Variants in SGCZ observed in about 807,000 individuals in gnomAD.
SGCZ encodes zeta-sarcoglycan.
SGCZ carries 40 observed loss-of-function variants against 41.3 expected under a neutral mutation model. That is an observed-to-expected ratio of 0.97 (90% CI 0.75 to 1.26). SGCZ has a LOEUF of 1.26. Ranked by LOEUF, SGCZ falls within the 50% of genes most tolerant of loss-of-function variation. The pLI is 0.00. For synonymous variants in SGCZ, 206 were observed against 137.5 expected, an observed-to-expected ratio of 1.50 and a Z score of -3.49; for missense variants, 552 against 369.8, an observed-to-expected ratio of 1.49 and a Z score of -4.04.
chr8:14,332,206 C>T (rs1422126835), intron 2 of SGCZ, among the ~76,000 whole-genome samples: 1 of 151,982 alleles, frequency 6.6e-6, no homozygotes, highest in Non-Finnish European at 1.5e-5. Context: ...GAGGCCGAAG[C>T]GGGCGGATCA....
At chr8:14,791,415 C>A (rs1283988178) in intron 1 of SGCZ, among the ~76,000 whole-genome samples, 1 of 151,838 alleles carries the variant, frequency 6.6e-6, no homozygotes. Flanking sequence ...TGGTCAGCAG[C>A]TAACTGGTAT....
intron 7 of SGCZ, among the ~76,000 whole-genome samples, chr8:14,099,780 TATTGTATTAC>T (rs1801955887): frequency 6.6e-6 from 1 of 152,226 alleles, no homozygotes; most frequent in Non-Finnish European, 1.5e-5. Flanking sequence ...TATATGCTGT[TATTGTATTAC>T]ATGTGCCATT....
chr8:14,541,213 C>G (rs891677296), intron 2 of SGCZ, among the ~76,000 whole-genome samples: 1 of 151,792 alleles, frequency 6.6e-6, no homozygotes, highest in Admixed American at 6.6e-5. Context: ...ATACACGTGC[C>G]ATGGTGGTTT....
intron 1 of SGCZ, among the ~76,000 whole-genome samples, chr8:14,739,608 A>G (rs1016812912): frequency 6.6e-6 from 1 of 152,036 alleles, no homozygotes; most frequent in East Asian, 1.9e-4. Flanking sequence ...TTTTAATGTA[A>G]ATTCTTCTTT....
At chr8:14,531,503 T>C (rs369988577) in intron 2 of SGCZ, among the ~76,000 whole-genome samples, 2 of 151,894 alleles carry the variant, frequency 1.3e-5, no homozygotes, top group African/African-American at 2.4e-5. Flanking sequence ...CTCACCAAAC[T>C]GCAAGGGTGG....
At chr8:14,487,368 T>C (rs536739003) in intron 2 of SGCZ, among the ~76,000 whole-genome samples, 87 of 152,298 alleles carry the variant, frequency 5.7e-4, no homozygotes, top group African/African-American at 1.9e-3. Flanking sequence ...ATAAGGAATA[T>C]AATATATTAT....
chr8:14,463,842 C>T (rs73519366), intron 2 of SGCZ, among the ~76,000 whole-genome samples: 2,553 of 151,354 alleles, frequency 0.017, 88 homozygotes, highest in African/African-American at 0.059. Flanking sequence ...TTAAGTCTTG[C>T]CAAATGTTTG....
At chr8:14,615,975 G>A (rs1453963653) in intron 1 of SGCZ, among the ~76,000 whole-genome samples, 1 of 152,008 alleles carries the variant, frequency 6.6e-6, no homozygotes, top group East Asian at 1.9e-4. Flanking sequence ...TCACTAATGG[G>A]TCATGATTGT....
intron 1 of SGCZ, among the ~76,000 whole-genome samples, chr8:15,057,794 T>G (rs1804767979): frequency 6.6e-6 from 1 of 152,222 alleles, no homozygotes; most frequent in African/African-American, 2.4e-5. Context: ...ACTAAATGAT[T>G]ACAAATGTCC....
intron 2 of SGCZ, among the ~76,000 whole-genome samples, chr8:14,528,053 T>A (rs1265077646): frequency 6.6e-6 from 1 of 152,088 alleles, no homozygotes; most frequent in Non-Finnish European, 1.5e-5. Flanking sequence ...CATATGTTGA[T>A]CTAATTTCTT....
intron 1 of SGCZ, among the ~76,000 whole-genome samples, chr8:14,663,897 C>T (rs1807829526): frequency 6.6e-6 from 1 of 152,114 alleles, no homozygotes; most frequent in South Asian, 2.1e-4. Context: ...ATAAAAGGAA[C>T]TTTCAGTGAG....
At chr8:14,414,661 A>T (rs1799448351) in intron 2 of SGCZ, among the ~76,000 whole-genome samples, 1 of 152,060 alleles carries the variant, frequency 6.6e-6, no homozygotes, top group Admixed American at 6.6e-5. Context: ...CACAAAATGT[A>T]ATTAATCTAT....
intron 3 of SGCZ, among the ~76,000 whole-genome samples, chr8:14,296,320 C>A (rs1017064493): frequency 6.6e-6 from 1 of 151,884 alleles, no homozygotes; most frequent in Non-Finnish European, 1.5e-5. Context: ...TGATCCATAC[C>A]CAGGAGAAAA....
chr8:14,820,750 T>G (rs1181427881), intron 1 of SGCZ, among the ~76,000 whole-genome samples: 1 of 151,758 alleles, frequency 6.6e-6, no homozygotes, highest in Admixed American at 6.6e-5. Flanking sequence ...AATGGGTTAA[T>G]GAAGAAATTA....
intron 3 of SGCZ, among the ~76,000 whole-genome samples, chr8:14,262,327 G>A (rs1339465665): frequency 6.6e-6 from 1 of 152,096 alleles, no homozygotes; most frequent in Non-Finnish European, 1.5e-5. Flanking sequence ...GCCTTACGTT[G>A]TTTAAATAAT....
intron 1 of SGCZ, among the ~76,000 whole-genome samples, chr8:14,709,010 G>C (rs1313193865): frequency 1.3e-5 from 2 of 151,982 alleles, no homozygotes; most frequent in South Asian, 2.1e-4. Context: ...CTTAATTGTG[G>C]CTAAACTCTA....
At chr8:15,018,431 G>A (rs1252902635) in intron 1 of SGCZ, among the ~76,000 whole-genome samples, 1 of 152,148 alleles carries the variant, frequency 6.6e-6, no homozygotes, top group Non-Finnish European at 1.5e-5. Flanking sequence ...AAAATGACGA[G>A]GCAGTACTCT....
At chr8:14,105,211 C>T (rs187934019) in intron 6 of SGCZ, among the ~76,000 whole-genome samples, 2 of 151,922 alleles carry the variant, frequency 1.3e-5, no homozygotes, top group East Asian at 3.8e-4. Flanking sequence ...TTTTAAAATG[C>T]ACATGGAAAC....
At chr8:15,121,278 T>A (rs1165591676) in intron 1 of SGCZ, among the ~76,000 whole-genome samples, 2 of 152,240 alleles carry the variant, frequency 1.3e-5, no homozygotes, top group Non-Finnish European at 2.9e-5. Context: ...TATCTGCTAT[T>A]CCTCCAAGCT....
Sources: allele counts gnomAD v4.1 joint callset (sites outside exome capture counted in the v4.1 genomes callset), GRCh38; gene constraint gnomAD v4.1.1; transcripts MANE v1.5; gene names NCBI Gene and HGNC (gene_info 2026-07-23, HGNC 2026-07-21).